The following OXCT1 variants were observed in gnomAD, a reference collection of about 807,000 sequenced individuals.
The protein encoded by OXCT1 is succinyl-CoA:3-ketoacid coenzyme A transferase 1, mitochondrial.
OXCT1 carries 27 observed loss-of-function variants against 69.6 expected under a neutral mutation model. That is an observed-to-expected ratio of 0.39 (90% CI 0.29 to 0.54). The LOEUF is 0.54. Among genes scored for constraint, OXCT1 ranks in the 20% least tolerant of loss-of-function variants. OXCT1 has a pLI of 0.72. For synonymous variants in OXCT1, 202 were observed against 217.8 expected (o/e 0.93, Z 0.64); for missense variants, 437 against 650.2 (o/e 0.67, Z 3.57).
At chr5:41,816,880 C>A (rs1561100411) in intron 7 of OXCT1, among the ~76,000 whole-genome samples, 2 of 152,108 alleles carry the variant, frequency 1.3e-5, no homozygotes, top group Non-Finnish European at 2.9e-5. Context: ...GGAATGCTAA[C>A]CCCATTTGTT....
intron 13 of OXCT1, among the ~76,000 whole-genome samples, chr5:41,767,566 C>G (rs2112123656): frequency 6.6e-6 from 1 of 151,534 alleles, no homozygotes; most frequent in South Asian, 2.1e-4. Context: ...CTCCTCTCTG[C>G]TAATTCCCTG....
intron 4 of OXCT1, among the ~76,000 whole-genome samples, chr5:41,851,233 T>A (rs1017930157): frequency 2.0e-5 from 3 of 152,104 alleles, no homozygotes; most frequent in Non-Finnish European, 4.4e-5. Context: ...AGTATTCAAC[T>A]CAAAAAAGAA....
Position 41,739,403 on chromosome 5 carries a change from C to T in OXCT1, c.1508G>A (p.Gly503Glu). The T allele has an allele frequency of 6.2e-7, 1 of 1,608,390 alleles. No individual in the cohort carries two copies. The highest frequency in any genetic ancestry group is 1.1e-5 in the South Asian group (1 of 90,974). ...LTVDDVQKST[G>E]CDFAVSPKLM... The stretch of plus-strand genomic sequence containing the variant: ...AGAAATACTTACTGCAAAATCACAC[C>T]CAGTACTCTTCTGTACGTCATCCAC... The change falls in exon 16 of 17, where the codon GGG becomes GAG. Residue 503 changes from glycine to glutamate, a missense_variant. By Grantham distance (98) the Gly-to-Glu change is moderately conservative (BLOSUM62 -2). Transcript: ENST00000196371.
intron 11 of OXCT1, among the ~76,000 whole-genome samples, chr5:41,798,351 C>A (rs1298257082): frequency 6.6e-6 from 1 of 152,266 alleles, no homozygotes; most frequent in South Asian, 2.1e-4. Context: ...ATACATATAC[C>A]TCTAGAGCAG....
chr5:41,770,602 C>T (rs1449707956), intron 13 of OXCT1, among the ~76,000 whole-genome samples: 1 of 152,154 alleles, frequency 6.6e-6, no homozygotes, highest in East Asian at 1.9e-4. Context: ...ACTAAGCATA[C>T]AAAACTCCTG....
intron 7 of OXCT1, among the ~76,000 whole-genome samples, chr5:41,834,115 T>C (rs887543424): frequency 6.6e-6 from 1 of 151,932 alleles, no homozygotes; most frequent in Non-Finnish European, 1.5e-5. Flanking sequence ...TAAGACAGTC[T>C]TTTCAAGCCT....
chr5:41,796,707 T>A (rs898399755), intron 11 of OXCT1, among the ~76,000 whole-genome samples: 1 of 152,128 alleles, frequency 6.6e-6, no homozygotes, highest in African/African-American at 2.4e-5. Flanking sequence ...AATTGAAAAG[T>A]TTTGAAAATA....
chr5:41,738,693 G>A (rs1360079865), intron 16 of OXCT1, among the ~76,000 whole-genome samples: 1 of 152,164 alleles, frequency 6.6e-6, no homozygotes, highest in Non-Finnish European at 1.5e-5. Context: ...AATAGACTGA[G>A]CCATGCTTTC....
chr5:41,867,254 C>T (rs1457597767), intron 1 of OXCT1, among the ~76,000 whole-genome samples: 1 of 152,148 alleles, frequency 6.6e-6, no homozygotes, highest in South Asian at 2.1e-4. Flanking sequence ...GGTATGGAAA[C>T]TCATTATTTC....
At chr5:41,791,986 G>T (rs372476582) in intron 13 of OXCT1, among the ~76,000 whole-genome samples, 1 of 151,972 alleles carries the variant, frequency 6.6e-6, no homozygotes, top group Non-Finnish European at 1.5e-5. Flanking sequence ...GTATTTTTTA[G>T]CAGAGACGAG....
At chr5:41,742,695 A>C (rs1444925126) in intron 15 of OXCT1, among the ~76,000 whole-genome samples, 1 of 142,634 alleles carries the variant, frequency 7.0e-6, no homozygotes, top group Non-Finnish European at 1.5e-5. Context: ...AAGTGTTCTC[A>C]TTGTTCAATT....
At chr5:41,831,649 G>A (rs1748101765) in intron 7 of OXCT1, among the ~76,000 whole-genome samples, 1 of 152,052 alleles carries the variant, frequency 6.6e-6, no homozygotes, top group Admixed American at 6.6e-5. Context: ...TCTTTGCACT[G>A]TAATATCTGG....
At chr5:41,860,707 G>A (rs1055828572) in intron 3 of OXCT1, among the ~76,000 whole-genome samples, 1 of 151,992 alleles carries the variant, frequency 6.6e-6, no homozygotes, top group Non-Finnish European at 1.5e-5. Flanking sequence ...TAAAAATATG[G>A]CTTTTCCTAA....
intron 3 of OXCT1, among the ~76,000 whole-genome samples, chr5:41,855,963 A>G (rs1749409491): frequency 6.6e-6 from 1 of 152,198 alleles, no homozygotes; most frequent in South Asian, 2.1e-4. Flanking sequence ...CAGCTTTGCA[A>G]AGATGCACTC....
intron 1 of OXCT1, among the ~76,000 whole-genome samples, chr5:41,867,300 C>A (rs1467774201): frequency 2.6e-5 from 4 of 152,186 alleles, no homozygotes; most frequent in Admixed American, 2.6e-4. Flanking sequence ...ATACAAAATA[C>A]TGGGGCTACA....
At position 41,805,676 on chromosome 5, in the gene OXCT1, T is replaced by A; in HGVS notation, c.846A>T (p.Leu282Phe). ...CCCCATCTCCCTCTTTCCGGATTGA[T>A]AAACGCTTTAAATTAAACAGAAATA... ...GEKYEKRIERLSIRKEGDGEA... is the reference protein window; with the variant it reads ...GEKYEKRIERFSIRKEGDGEA... Residue 282 changes from leucine (L) to phenylalanine (F), a missense_variant, in exon 9 of 17, where the codon TTA becomes TTT. By Grantham distance (22) the Leu-to-Phe change is conservative. Transcript: ENST00000196371. 1 of 1,580,764 alleles carries A rather than the reference T, an allele frequency of 6.3e-7. No homozygotes were observed. Among genetic ancestry groups the A allele is most frequent in the Non-Finnish European group, 8.7e-7 (1 of 1,149,870 alleles).
At chr5:41,791,309 T>C (rs948454164) in intron 13 of OXCT1, among the ~76,000 whole-genome samples, 1 of 152,238 alleles carries the variant, frequency 6.6e-6, no homozygotes, top group African/African-American at 2.4e-5. Context: ...ACACTTCTTA[T>C]GCTTAATTTT....
Position 41,731,541 on chromosome 5 carries a change from T to C in OXCT1, c.*188A>G, listed in dbSNP as rs1051109919. 17 of 979,872 alleles carry C rather than the reference T, an allele frequency of 1.7e-5. No individual in the cohort carries two copies. The highest frequency in any genetic ancestry group is 2.2e-5 in the Non-Finnish European group (15 of 677,612). The allele number at this position is 979,872 out of a possible 1,614,324, so 60.7% of individuals were successfully genotyped here. A position where few individuals can be genotyped will look rare whatever the true frequency, so the allele number is the denominator to read the frequency against. On this transcript the variant is annotated 3_prime_UTR_variant, in exon 17 of 17. Transcript: ENST00000196371. ...CAAATGAGATAATTATAAATGCTCC[T>C]TTTGCTTTTTATTAAAATGTCACAG... is the stretch of plus-strand genomic sequence containing the variant.
intron 7 of OXCT1, among the ~76,000 whole-genome samples, chr5:41,822,949 T>C (rs1363377394): frequency 6.6e-6 from 1 of 152,230 alleles, no homozygotes; most frequent in East Asian, 1.9e-4. Context: ...GTCGGATTAA[T>C]ATCTACCATA....
Sources: allele counts gnomAD v4.1 joint callset (sites outside exome capture counted in the v4.1 genomes callset), GRCh38; gene constraint gnomAD v4.1.1; transcripts MANE v1.5; gene names NCBI Gene and HGNC (gene_info 2026-07-23, HGNC 2026-07-21).